PCDHGA8: variants seen among roughly 807,000 people sequenced by gnomAD.
The protein encoded by PCDHGA8 is protocadherin gamma-A8.
Under a neutral mutation model 59.2 loss-of-function variants are expected in PCDHGA8, and 45 were observed. The ratio of observed to expected loss-of-function variants is 0.76; its 90% CI spans 0.60 to 0.98. The LOEUF is 0.98. Ranked by LOEUF, PCDHGA8 falls within the 50% of genes least tolerant of loss-of-function variation. The probability of loss-of-function intolerance (pLI) is 0.00; values close to 1 mark genes in which losing one functional copy is unlikely to be tolerated. For synonymous variants in PCDHGA8, 531 were observed against 519.0 expected (o/e 1.02, Z -0.32); for missense variants, 1,257 against 1,196.2 (o/e 1.05, Z -0.75).
Position 141,485,931 on chromosome 5 carries a change from A to C in PCDHGA8, c.2425-8876A>C, listed in dbSNP as rs761979804. 3 of 1,614,192 alleles carry C rather than the reference A, an allele frequency of 1.9e-6. No individual in the cohort carries two copies. In the South Asian group the frequency reaches 3.3e-5, roughly 18 times the overall value. On this transcript the variant is annotated intron_variant, in intron 1 of 3. Transcript: ENST00000398604. This position sits in a 1 kb window ranked among gnomAD's most constrained non-coding sequence, Gnocchi z 5.7. Reference sequence around the variant, plus strand: ...TCCAGCTACAGGATTAGTGTGTTGGAGAGCGCACCAGCGGGCATGGTGCTC... The same window carrying C: ...TCCAGCTACAGGATTAGTGTGTTGGCGAGCGCACCAGCGGGCATGGTGCTC...
chr5:141,489,943 A>G lies in PCDHGA8; in HGVS notation c.2425-4864A>G. ...CCTTATCTCTGTCATCGTGCTGGAC[A>G]TCAATGATAATGCTCCAACCTTCCA... On this transcript the variant is annotated intron_variant, in intron 1 of 3. Transcript: ENST00000398604. The surrounding 1 kb of genome is among the most constrained non-coding windows in gnomAD (Gnocchi z 4.5). 5.6e-6 allele frequency: 9 copies of G among 1,614,190 alleles called. No homozygotes were observed. Among genetic ancestry groups the G allele is most frequent in the Non-Finnish European group, 7.6e-6 (9 of 1,180,016 alleles).
intron 1 of PCDHGA8, among the ~76,000 whole-genome samples, chr5:141,454,458 G>A (rs535843071): frequency 5.3e-5 from 8 of 152,322 alleles, no homozygotes; most frequent in Non-Finnish European, 1.5e-5. Flanking sequence ...CCAGGCTGGA[G>A]TGCAATGGCA....
In PCDHGA8 at chr5:141,403,923, G is replaced by T. The variant is rs199643799; in HGVS notation, c.2424+8686G>T. 1.2e-3 allele frequency: 1,935 copies of T among 1,613,900 alleles called. 4 individuals carry two copies. Among genetic ancestry groups the T allele is most frequent in the Non-Finnish European group, 1.5e-3 (1,744 of 1,179,882 alleles). On this transcript the variant is annotated intron_variant, in intron 1 of 3. Transcript: ENST00000398604. The stretch of plus-strand genomic sequence containing the variant: ...GAAATGGAAATACAAGCTGAAGATG[G>T]TGGGGGATTGAAAGGGTGGACAAAA...
chr5:141,398,051 C>T, intron 1 of PCDHGA8: 1 of 1,512,220 alleles, frequency 6.6e-7, no homozygotes, highest in Non-Finnish European at 8.9e-7. Flanking sequence ...GTTCGGAGAT[C>T]CAAAAATCTA....
chr5:141,464,572 A>G (rs912710973), intron 1 of PCDHGA8, among the ~76,000 whole-genome samples: 5 of 152,148 alleles, frequency 3.3e-5, no homozygotes, highest in African/African-American at 1.2e-4. Flanking sequence ...CTACAAATAG[A>G]TGAGAATGTC....
intron 1 of PCDHGA8, among the ~76,000 whole-genome samples, chr5:141,480,700 C>A (rs1327284592): frequency 1.3e-5 from 2 of 152,192 alleles, no homozygotes; most frequent in Admixed American, 6.5e-5. Flanking sequence ...CCAGGCCACA[C>A]CCCGACAAAT....
At chr5:141,415,772 T>TTTTTTA in intron 1 of PCDHGA8, 1 of 1,332,986 alleles carries the variant, frequency 7.5e-7, no homozygotes, top group Non-Finnish European at 9.6e-7. Flanking sequence ...TTTTTTTTTT[T>TTTTTTA]ACTTTCTGGT....
chr5:141,404,752 G>C, intron 1 of PCDHGA8: 1 of 1,614,010 alleles, frequency 6.2e-7, no homozygotes, highest in Non-Finnish European at 8.5e-7. Flanking sequence ...ACTCAGGCCA[G>C]AATGCTTGGC....
rs2099609528 is a variant in PCDHGA8 at position 141,485,211 on chromosome 5, G to A, written c.2425-9596G>A. 6.2e-7 allele frequency: 1 copy of A among 1,614,126 alleles called. No individual in the cohort carries two copies. The highest frequency in any genetic ancestry group is 8.5e-7 in the Non-Finnish European group (1 of 1,179,980). Reference sequence around the variant, plus strand: ...GTGAGAAGCTGGACAGAAATCTGGCGGTGGGCTACCCTTTTGTTCCTCTTT... The same window carrying A: ...GTGAGAAGCTGGACAGAAATCTGGCAGTGGGCTACCCTTTTGTTCCTCTTT... On this transcript the variant is annotated intron_variant, in intron 1 of 3. Transcript: ENST00000398604. This position sits in a 1 kb window ranked among gnomAD's most constrained non-coding sequence, Gnocchi z 5.7.
intron 3 of PCDHGA8, 78 bp from the exon 4 acceptor site, chr5:141,510,869 T>C: frequency 9.3e-6 from 15 of 1,608,708 alleles, no homozygotes; most frequent in Non-Finnish European, 1.3e-5. Flanking sequence ...AGGCATTCAT[T>C]AACTGCTGGG....
chr5:141,423,762 G>GT, intron 1 of PCDHGA8: 1 of 264,254 alleles, frequency 3.8e-6, no homozygotes, highest in Non-Finnish European at 5.6e-6. Context: ...GGGGGGGGGT[G>GT]GGGCGGCATA....
chr5:141,418,125 G>T (rs765373450), intron 1 of PCDHGA8: 7 of 1,613,968 alleles, frequency 4.3e-6, no homozygotes, highest in African/African-American at 2.7e-5. Flanking sequence ...GTGAAGGACC[G>T]AATAGACCGT....
Position 141,487,302 on chromosome 5 carries a change from C to T in PCDHGA8, c.2425-7505C>T, listed in dbSNP as rs763268817. 3.7e-6 allele frequency: 6 copies of T among 1,614,154 alleles called. No homozygotes were observed. The highest frequency in any genetic ancestry group is 3.4e-6 in the Non-Finnish European group (4 of 1,180,002). On this transcript the variant is annotated intron_variant, in intron 1 of 3. Transcript: ENST00000398604. This position sits in a 1 kb window ranked among gnomAD's most constrained non-coding sequence, Gnocchi z 5.0. ...TTTGTCTCCTTTGGCTCATTCGTGGCACTACTCTCTAAGTGTCTTCGTGGG... is the reference window on the plus strand; with the variant it reads ...TTTGTCTCCTTTGGCTCATTCGTGGTACTACTCTCTAAGTGTCTTCGTGGG...
chr5:141,450,006 C>CTATTTTTTT (rs70988802), intron 1 of PCDHGA8, among the ~76,000 whole-genome samples: 8 of 132,970 alleles, frequency 6.0e-5, no homozygotes, highest in African/African-American at 8.4e-5. Context: ...TGCCATGTCT[C>CTATTTTTTT]TTTTTTTTTT....
chr5:141,469,603 GTAAAA>G (rs929191572), intron 1 of PCDHGA8, among the ~76,000 whole-genome samples: 9 of 152,038 alleles, frequency 5.9e-5, no homozygotes, highest in Admixed American at 1.3e-4. Context: ...AACAAAATAA[GTAAAA>G]TAAAATAAAT....
At chr5:141,422,724 G>T (rs560544401) in intron 1 of PCDHGA8, 3 of 1,606,016 alleles carry the variant, frequency 1.9e-6, no homozygotes, top group Admixed American at 3.3e-5. Context: ...CTGTCCAGGG[G>T]GTGCCTCTGT....
At chr5:141,450,006 C>CTATTTTTTTTT (rs70988802) in intron 1 of PCDHGA8, among the ~76,000 whole-genome samples, 2 of 132,964 alleles carry the variant, frequency 1.5e-5, no homozygotes, top group African/African-American at 2.8e-5. Flanking sequence ...TGCCATGTCT[C>CTATTTTTTTTT]TTTTTTTTTT....
Position 141,418,592 on chromosome 5 carries a change from G to A in PCDHGA8, c.2424+23355G>A, listed in dbSNP as rs772314584. Reference sequence around the variant, plus strand: ...TGACAACCCCCCAGTGTTCAGCCAGGACGTGTACAGGGTTAGCCTTCGGGA... The same window carrying A: ...TGACAACCCCCCAGTGTTCAGCCAGAACGTGTACAGGGTTAGCCTTCGGGA... On this transcript the variant is annotated intron_variant, in intron 1 of 3. Transcript: ENST00000398604. 18 of 1,614,020 alleles carry A rather than the reference G, an allele frequency of 1.1e-5. No homozygotes were observed. The highest frequency in any genetic ancestry group is 1.5e-5 in the Non-Finnish European group (18 of 1,179,902).
chr5:141,444,240 C>T (rs1017550385), intron 1 of PCDHGA8, among the ~76,000 whole-genome samples: 4 of 128,690 alleles, frequency 3.1e-5, no homozygotes, highest in African/African-American at 5.9e-5. Context: ...GGCATGCTCT[C>T]GGCTCACTGC....
Sources: allele counts gnomAD v4.1 joint callset (sites outside exome capture counted in the v4.1 genomes callset), GRCh38; gene constraint gnomAD v4.1.1; non-coding constraint Gnocchi (gnomAD v3.1); transcripts MANE v1.5; gene names NCBI Gene and HGNC (gene_info 2026-07-23, HGNC 2026-07-21).